Variants in GPR39 observed in about 807,000 individuals in gnomAD.
The protein encoded by GPR39 is G protein-coupled receptor 39.
A neutral mutation model predicts 18.4 loss-of-function variants in GPR39; 23 were observed. That is an observed-to-expected ratio of 1.25 (90% CI 0.90 to 1.77). The LOEUF (loss-of-function observed/expected upper bound fraction) is 1.77, where lower values mean the gene tolerates loss of function less well. Ranked by LOEUF, GPR39 falls within the 40% of genes most tolerant of loss-of-function variation. The pLI is 0.00. For synonymous variants in GPR39, 280 were observed against 257.9 expected, an observed-to-expected ratio of 1.09 and a Z score of -0.82; for missense variants, 647 against 602.4, an observed-to-expected ratio of 1.07 and a Z score of -0.78.
At chr2:132,577,636 G>C (rs1680552849) in intron 1 of GPR39, among the ~76,000 whole-genome samples, 1 of 151,152 alleles carries the variant, frequency 6.6e-6, no homozygotes, top group Non-Finnish European at 1.5e-5. Flanking sequence ...TTTTCTTTGA[G>C]TGACTGACTG....
At chr2:132,476,635 CAAAAAAAAAAA>C (rs66464566) in intron 1 of GPR39, among the ~76,000 whole-genome samples, 3 of 56,444 alleles carry the variant, frequency 5.3e-5, no homozygotes, top group African/African-American at 2.1e-4. Context: ...GACTCCATCT[CAAAAAAAAAAA>C]AAAAAAAAAA....
chr2:132,553,403 T>C (rs1388826083), intron 1 of GPR39, among the ~76,000 whole-genome samples: 1 of 150,758 alleles, frequency 6.6e-6, no homozygotes, highest in Non-Finnish European at 1.5e-5. Context: ...TATATATACG[T>C]ATATATATGT....
intron 1 of GPR39, among the ~76,000 whole-genome samples, chr2:132,521,437 C>T (rs1288806487): frequency 2.0e-5 from 3 of 152,164 alleles, no homozygotes; most frequent in Non-Finnish European, 4.4e-5. Flanking sequence ...TGGTGTCTGA[C>T]CCTAGAACAT....
chr2:132,495,890 T>G (rs368091403), intron 1 of GPR39, among the ~76,000 whole-genome samples: 1 of 152,192 alleles, frequency 6.6e-6, no homozygotes, highest in South Asian at 2.1e-4. Context: ...TTTGCACTTC[T>G]TTAGTCCTTA....
At chr2:132,519,114 A>G (rs1279613477) in intron 1 of GPR39, among the ~76,000 whole-genome samples, 1 of 152,180 alleles carries the variant, frequency 6.6e-6, no homozygotes, top group East Asian at 1.9e-4. Context: ...TTTCATCTTT[A>G]CTGTGAGTCT....
rs56086440 is a variant in GPR39 at position 132,470,490 on chromosome 2, G to A, written c.856+52592G>A. Reference sequence around the variant, plus strand: ...GTGATCCAGGACTACAAAATGAACGGGGCAAGTAGGGTGCCGAGAGGTGGG... The same window carrying A: ...GTGATCCAGGACTACAAAATGAACGAGGCAAGTAGGGTGCCGAGAGGTGGG... On this transcript the variant is annotated intron_variant, in intron 1 of 1. Transcript: ENST00000329321. Among the ~76,000 whole-genome samples the A allele has an allele frequency of 1.7e-3, 257 of 152,176 alleles. 1 individual carries two copies. The highest frequency in any genetic ancestry group is 0.014 in the Middle Eastern group (4 of 294).
chr2:132,500,186 T>C (rs1352006319), intron 1 of GPR39, among the ~76,000 whole-genome samples: 2 of 152,200 alleles, frequency 1.3e-5, no homozygotes, highest in African/African-American at 4.8e-5. Flanking sequence ...TGTTTTCAAC[T>C]CTTCCCTGTT....
intron 1 of GPR39, among the ~76,000 whole-genome samples, chr2:132,625,365 G>A (rs1159313741): frequency 6.6e-6 from 1 of 151,960 alleles, no homozygotes; most frequent in African/African-American, 2.4e-5. Flanking sequence ...TTGTTTTGTA[G>A]GAATACTTTA....
rs112320380 is a variant in GPR39 at position 132,622,899 on chromosome 2, G to A, written c.857-22202G>A. On this transcript the variant is annotated intron_variant, in intron 1 of 1. Coordinates refer to ENST00000329321, the MANE Select transcript of GPR39 (RefSeq NM_001508.3). ...CAGACCGAGGTGGGAGGATCACAAG[G>A]TCAGGAGTTCAAGAGCAGCCTAACC... Among the ~76,000 whole-genome samples the A allele has an allele frequency of 6.9e-3, 1,058 of 152,270 alleles. 8 individuals carry two copies. The highest frequency in any genetic ancestry group is 0.011 in the Non-Finnish European group (770 of 68,022).
intron 1 of GPR39, among the ~76,000 whole-genome samples, chr2:132,509,859 C>T (rs1200824285): frequency 6.6e-6 from 1 of 152,174 alleles, no homozygotes; most frequent in African/African-American, 2.4e-5. Context: ...AGCATCTGCT[C>T]ATGGTCCTGA....
intron 1 of GPR39, among the ~76,000 whole-genome samples, chr2:132,481,740 A>G (rs1472251597): frequency 6.6e-6 from 1 of 152,216 alleles, no homozygotes; most frequent in Admixed American, 6.5e-5. Flanking sequence ...GTGACTCTGT[A>G]AGAAATTATA....
rs1171307940 is a variant in GPR39 at position 132,645,862 on chromosome 2, C to A, written c.*256C>A. 1.5e-6 allele frequency: 1 copy of A among 657,436 alleles called. No individual in the cohort carries two copies. The allele number at this position is 657,436 out of a possible 1,614,324, so 40.7% of individuals were successfully genotyped here. ...AGTACATACTGAAAATTCAGTCAGGCTGAATTTATTCAGAATGCTTTACCG... is the reference window on the plus strand; with the variant it reads ...AGTACATACTGAAAATTCAGTCAGGATGAATTTATTCAGAATGCTTTACCG... On this transcript the variant is annotated 3_prime_UTR_variant, in exon 2 of 2. Transcript: ENST00000329321.
At position 132,623,098 on chromosome 2, in the gene GPR39, C is replaced by A. The variant is rs890171401; in HGVS notation, c.857-22003C>A. Among the ~76,000 whole-genome samples, 4 of 152,120 alleles carry A rather than the reference C, an allele frequency of 2.6e-5. No homozygotes were observed. In the Middle Eastern group the frequency reaches 0.01, roughly 388 times the overall value. ...TTGCACTCCAGCCTGGGTGACAAAG[C>A]GAGACTCTGTCTCAAATAAATAAAT... On this transcript the variant is annotated intron_variant, in intron 1 of 1. Transcript: ENST00000329321.
intron 1 of GPR39, among the ~76,000 whole-genome samples, chr2:132,601,137 A>G (rs560589276): frequency 2.0e-5 from 3 of 152,322 alleles, no homozygotes; most frequent in African/African-American, 7.2e-5. Flanking sequence ...GCCAGGATTT[A>G]CCCTGATACC....
chr2:132,587,731 C>T (rs1211917876), intron 1 of GPR39, among the ~76,000 whole-genome samples: 3 of 151,986 alleles, frequency 2.0e-5, no homozygotes, highest in Non-Finnish European at 4.4e-5. Flanking sequence ...GATGGGGTTT[C>T]GCCATGTTGG....
At chr2:132,548,506 GTGAATAA>G (rs1679987035) in intron 1 of GPR39, among the ~76,000 whole-genome samples, 2 of 152,322 alleles carry the variant, frequency 1.3e-5, no homozygotes, top group South Asian at 4.1e-4. Context: ...GACAGACTTA[GTGAATAA>G]GTATGTATCT....
intron 1 of GPR39, among the ~76,000 whole-genome samples, chr2:132,463,327 C>A (rs1680866576): frequency 6.7e-6 from 1 of 149,330 alleles, no homozygotes; most frequent in African/African-American, 2.6e-5. Context: ...TCTGGTATTA[C>A]AGGGGTGGTG....
intron 1 of GPR39, among the ~76,000 whole-genome samples, chr2:132,635,751 A>T: frequency 6.6e-6 from 1 of 152,142 alleles, no homozygotes; most frequent in East Asian, 1.9e-4. Flanking sequence ...CCCAAATCTG[A>T]CTGTATTTGG....
chr2:132,426,076 G>A (rs1680113360), intron 1 of GPR39, among the ~76,000 whole-genome samples: 1 of 152,166 alleles, frequency 6.6e-6, no homozygotes, highest in Non-Finnish European at 1.5e-5. Context: ...GAGCTCCCAG[G>A]TAAACACATG....
Sources: allele counts gnomAD v4.1 joint callset (sites outside exome capture counted in the v4.1 genomes callset), GRCh38; gene constraint gnomAD v4.1.1; transcripts MANE v1.5; gene names NCBI Gene and HGNC (gene_info 2026-07-23, HGNC 2026-07-21).